The following ATXN1 variants were observed in gnomAD, a reference collection of about 807,000 sequenced individuals.
The protein encoded by ATXN1 is ataxin-1.
Under a neutral mutation model 56.4 loss-of-function variants are expected in ATXN1, and 8 were observed. The ratio of observed to expected loss-of-function variants is 0.14; its 90% CI spans 0.08 to 0.26. The LOEUF is 0.26. ATXN1 is among the 10% of genes least tolerant of loss of function. The pLI is 1.00. For missense variants in ATXN1, 987 were observed against 1,106.5 expected, an observed-to-expected ratio of 0.89 and a Z score of 1.53; for synonymous variants, 514 against 494.6, an observed-to-expected ratio of 1.04 and a Z score of -0.52.
At chr6:16,400,211 A>C (rs569995074) in intron 6 of ATXN1, among the ~76,000 whole-genome samples, 1 of 152,298 alleles carries the variant, frequency 6.6e-6, no homozygotes, top group South Asian at 2.1e-4. Flanking sequence ...CCCTCTGAAT[A>C]CACAGTAATC....
chr6:16,336,866 G>A (rs1278025305), intron 6 of ATXN1, among the ~76,000 whole-genome samples: 6 of 152,172 alleles, frequency 3.9e-5, no homozygotes, highest in Non-Finnish European at 8.8e-5. Context: ...ACCACGAATA[G>A]TAGTGTTTTT....
At chr6:16,427,177 T>C (rs1383435258) in intron 6 of ATXN1, among the ~76,000 whole-genome samples, 1 of 152,180 alleles carries the variant, frequency 6.6e-6, no homozygotes, top group Non-Finnish European at 1.5e-5. Flanking sequence ...AATTGTTCTT[T>C]TAAGGTTAAG....
rs1201071973 is a variant in ATXN1, at chr6:16,303,829, T to C, written c.*2500A>G. 6.6e-6 allele frequency: 1 copy of C among 152,588 alleles called. No individual in the cohort carries two copies. Among genetic ancestry groups the C allele is most frequent in the Non-Finnish European group, 1.5e-5 (1 of 68,042 alleles). The allele number at this position is 152,588 out of a possible 1,614,324, so 9.5% of individuals were successfully genotyped here. A position where few individuals can be genotyped will look rare whatever the true frequency, so the allele number is the denominator to read the frequency against. On this transcript the variant is annotated 3_prime_UTR_variant, in exon 8 of 8. Coordinates refer to ENST00000436367, the MANE Select transcript of ATXN1 (RefSeq NM_001128164.2). The surrounding 1 kb of genome is among the most constrained non-coding windows in gnomAD (Gnocchi z 4.3). ...GTCTATGTGGCAGCCCGTATTCCTCTTACCATCAAAGGCTAAAAAACAAAA... is the reference window on the plus strand; with the variant it reads ...GTCTATGTGGCAGCCCGTATTCCTCCTACCATCAAAGGCTAAAAAACAAAA...
chr6:16,700,798 T>C (rs886396207), intron 2 of ATXN1, among the ~76,000 whole-genome samples: 1 of 152,134 alleles, frequency 6.6e-6, no homozygotes, highest in Non-Finnish European at 1.5e-5. Flanking sequence ...TAAGCAGACG[T>C]GCTGCTTTTA....
chr6:16,429,700 G>A (rs749967523), intron 6 of ATXN1, among the ~76,000 whole-genome samples: 2 of 152,144 alleles, frequency 1.3e-5, no homozygotes, highest in Non-Finnish European at 1.5e-5. Flanking sequence ...TTACAGGTGT[G>A]AGCCACTGAG....
chr6:16,385,721 GAAAC>G (rs1758227012), intron 6 of ATXN1, among the ~76,000 whole-genome samples: 1 of 151,750 alleles, frequency 6.6e-6, no homozygotes, highest in South Asian at 2.1e-4. Flanking sequence ...TTCAACAACT[GAAAC>G]AAACACACAA....
In ATXN1 at chr6:16,660,832, G is replaced by GTTTTT. The variant is rs754718969; in HGVS notation, c.-614-2936_-614-2932dup. ...GAAAAAAGAGGTTTATTTTGTTTTG[G>GTTTTT]TTTTTTTTTTTTTTTTTTTTTTTTG... On this transcript the variant is annotated intron_variant, in intron 2 of 7. Coordinates refer to ENST00000436367, the MANE Select transcript of ATXN1 (RefSeq NM_001128164.2). 1.4e-3 allele frequency among the ~76,000 whole-genome samples: 133 copies of GTTTTT among 93,014 alleles called. 1 individual carries two copies. The highest frequency in any genetic ancestry group is 2.6e-3 in the African/African-American group (62 of 23,718). 61.0% of individuals were successfully genotyped at this position (93,014 alleles called of 152,430 possible). A position where few individuals can be genotyped will look rare whatever the true frequency, so the allele number is the denominator to read the frequency against.
chr6:16,312,199 G>A (rs1297761245), intron 7 of ATXN1, among the ~76,000 whole-genome samples: 1 of 152,170 alleles, frequency 6.6e-6, no homozygotes, highest in East Asian at 1.9e-4. Context: ...CTTTATAACA[G>A]GTACTATAAT....
At position 16,306,212 on chromosome 6, in the gene ATXN1, A is replaced by G; in HGVS notation, c.*117T>C. 1 of 1,307,368 alleles carries G rather than the reference A, an allele frequency of 7.6e-7. No homozygotes were observed. The highest frequency in any genetic ancestry group is 1.0e-6 in the Non-Finnish European group (1 of 958,616). 81.0% of individuals were successfully genotyped at this position (1,307,368 alleles called of 1,614,324 possible). Reference sequence around the variant, plus strand: ...CTGTAACTCTAATGACAAGGTTAGAACAGAAACCTAAAATTAAGAAGATAA... The same window carrying G: ...CTGTAACTCTAATGACAAGGTTAGAGCAGAAACCTAAAATTAAGAAGATAA... On this transcript the variant is annotated 3_prime_UTR_variant, in exon 8 of 8. Transcript: ENST00000436367. This position sits in a 1 kb window ranked among gnomAD's most constrained non-coding sequence, Gnocchi z 5.2.
chr6:16,685,019 CA>C (rs1218610892), intron 2 of ATXN1, among the ~76,000 whole-genome samples: 1 of 142,182 alleles, frequency 7.0e-6, no homozygotes, highest in Non-Finnish European at 1.6e-5. Flanking sequence ...CTTCTACAGA[CA>C]ACACACACAC....
intron 2 of ATXN1, among the ~76,000 whole-genome samples, chr6:16,713,534 T>G (rs909123592): frequency 1.3e-5 from 2 of 152,186 alleles, no homozygotes; most frequent in Admixed American, 6.5e-5. Flanking sequence ...GAACCAAATA[T>G]TCCAGACAGG....
intron 7 of ATXN1, among the ~76,000 whole-genome samples, chr6:16,319,856 C>CTT (rs533611516): frequency 2.1e-5 from 3 of 141,028 alleles, no homozygotes; most frequent in African/African-American, 5.2e-5. Context: ...CATTTTTCTC[C>CTT]TTTTTTTTTT....
At chr6:16,442,110 G>C (rs1474704016) in intron 6 of ATXN1, among the ~76,000 whole-genome samples, 1 of 152,056 alleles carries the variant, frequency 6.6e-6, no homozygotes, top group Non-Finnish European at 1.5e-5. Flanking sequence ...TACCTATAAG[G>C]GACAGAAAAT....
chr6:16,707,645 G>A (rs1003967145), intron 2 of ATXN1, among the ~76,000 whole-genome samples: 2 of 152,176 alleles, frequency 1.3e-5, no homozygotes, highest in African/African-American at 4.8e-5. Flanking sequence ...TCCATGTGAT[G>A]GGGAATTCTT....
Position 16,316,865 on chromosome 6 carries a change from C to CT in ATXN1, c.1917+9528dup, listed in dbSNP as rs375359789. On this transcript the variant is annotated intron_variant, in intron 7 of 7. Transcript: ENST00000436367. ...AGGGGGCAATAGAGAGACTGCCTGT[C>CT]TTTTTTTTTTTTTTTTTTTTTTTTT... Among the ~76,000 whole-genome samples, 430 of 99,426 alleles carry CT rather than the reference C, an allele frequency of 4.3e-3. 10 individuals carry two copies. Among genetic ancestry groups the CT allele is most frequent in the South Asian group, 0.029 (67 of 2,336 alleles). 65.2% of individuals were successfully genotyped at this position (99,426 alleles called of 152,430 possible).
At chr6:16,589,622 C>G (rs145031577) in intron 3 of ATXN1, among the ~76,000 whole-genome samples, 2 of 152,044 alleles carry the variant, frequency 1.3e-5, no homozygotes, top group Non-Finnish European at 2.9e-5. Flanking sequence ...AGGGTTGTTA[C>G]GAGAGTTAAC....
At chr6:16,452,475 G>GA (rs1421018725) in intron 6 of ATXN1, among the ~76,000 whole-genome samples, 4 of 152,178 alleles carry the variant, frequency 2.6e-5, no homozygotes, top group Non-Finnish European at 4.4e-5. Context: ...GTCTTCAGAG[G>GA]AAAAACTGAA....
chr6:16,392,791 C>T (rs1045775083), intron 6 of ATXN1, among the ~76,000 whole-genome samples: 9 of 152,178 alleles, frequency 5.9e-5, no homozygotes, highest in African/African-American at 2.2e-4. Context: ...CCATCGCACA[C>T]GACCTCAACC....
chr6:16,523,750 G>A (rs1024899249), intron 4 of ATXN1, among the ~76,000 whole-genome samples: 1 of 152,184 alleles, frequency 6.6e-6, no homozygotes, highest in Non-Finnish European at 1.5e-5. Context: ...ATCCCGTGAG[G>A]AAGCCACAGT....
Sources: allele counts gnomAD v4.1 joint callset (sites outside exome capture counted in the v4.1 genomes callset), GRCh38; gene constraint gnomAD v4.1.1; non-coding constraint Gnocchi (gnomAD v3.1); transcripts MANE v1.5; gene names NCBI Gene and HGNC (gene_info 2026-07-23, HGNC 2026-07-21).